The following SLC22A5 variants were observed in gnomAD, a reference collection of about 807,000 sequenced individuals.
The protein encoded by SLC22A5 is organic cation/carnitine transporter 2.
SLC22A5 carries 44 observed loss-of-function variants against 56.7 expected under a neutral mutation model. The observed-to-expected ratio is 0.78, with a 90% CI of 0.61 to 1.00. The LOEUF (loss-of-function observed/expected upper bound fraction) is 1.00, where lower values mean the gene tolerates loss of function less well. Ranked by LOEUF, SLC22A5 falls within the 50% of genes least tolerant of loss-of-function variation. The pLI is 0.00. For synonymous variants in SLC22A5, 278 were observed against 292.1 expected (o/e 0.95, Z 0.49); for missense variants, 675 against 723.0 (o/e 0.93, Z 0.76).
chr5:132,392,777 G>A (rs1174770671), intron 8 of SLC22A5, among the ~76,000 whole-genome samples, 162 bp downstream of exon 8: 4 of 152,242 alleles, frequency 2.6e-5, no homozygotes, highest in Non-Finnish European at 2.9e-5. Context: ...TTGTCCCAGT[G>A]CACTGGCCCT....
At chr5:132,390,523 A>G in intron 6 of SLC22A5, 167 bp from the exon 7 acceptor site, 1 of 701,134 alleles carries the variant, frequency 1.4e-6, no homozygotes, top group Admixed American at 2.0e-5. Flanking sequence ...GGGGAAAATT[A>G]TCTTTTGATC....
intron 1 of SLC22A5, chr5:132,376,893 T>C (rs1752158865): frequency 6.6e-6 from 1 of 152,302 alleles, no homozygotes; most frequent in Non-Finnish European, 1.5e-5. Flanking sequence ...CAGGGATACT[T>C]ACCCACCTAC....
chr5:132,374,403 G>GA (rs1561564111), intron 1 of SLC22A5, among the ~76,000 whole-genome samples: 1 of 151,838 alleles, frequency 6.6e-6, no homozygotes, highest in African/African-American at 2.4e-5. Context: ...TTAGAAGATG[G>GA]GAGAGCCCTC....
At chr5:132,380,263 T>C (rs1752302704) in intron 2 of SLC22A5, 1 of 152,240 alleles carries the variant, frequency 6.6e-6, no homozygotes, top group South Asian at 2.1e-4. Flanking sequence ...ACAAAGTCCG[T>C]GTGGTAGAGG....
intron 4 of SLC22A5, among the ~76,000 whole-genome samples, chr5:132,386,588 G>A (rs1033160330): frequency 1.3e-5 from 2 of 152,206 alleles, no homozygotes; most frequent in African/African-American, 4.8e-5. Flanking sequence ...CAGGGGTAGG[G>A]TGAGGAGAGA....
At position 132,393,678 on chromosome 5, in the gene SLC22A5, G is replaced by C; in HGVS notation, c.1453G>C (p.Ala485Pro). 1 of 1,614,162 alleles carries C rather than the reference G, an allele frequency of 6.2e-7. No homozygotes were observed. Among genetic ancestry groups the C allele is most frequent in the Non-Finnish European group, 8.5e-7 (1 of 1,180,014 alleles). The change falls in exon 9 of 10, where the codon GCC becomes CCC. Residue 485 changes from alanine to proline, a missense_variant and splice_region_variant. By Grantham distance (27) the Ala-to-Pro change is conservative. Transcript: ENST00000245407. ...AGGCTCCGTCTGCTTTGCCATAGGTGCCTACGACCGCTTCCTGCCCTACAT... is the reference window on the plus strand; with the variant it reads ...AGGCTCCGTCTGCTTTGCCATAGGTCCCTACGACCGCTTCCTGCCCTACAT... ...ILSPYFVYLG[A>P]YDRFLPYILM...
rs532078684 is a variant in SLC22A5, at chr5:132,378,873, G to A, written c.497+392G>A. On this transcript the variant is annotated intron_variant, in intron 2 of 9. Transcript: ENST00000245407. ...GATTGTAGATCTGTAGTAGTGCCACGGTGTCTGCCTCTGTAGTCCCAAGAA... is the reference window on the plus strand; with the variant it reads ...GATTGTAGATCTGTAGTAGTGCCACAGTGTCTGCCTCTGTAGTCCCAAGAA... The A allele has an allele frequency of 8.4e-5, 23 of 272,912 alleles. 1 individual carries two copies. In the South Asian group the frequency reaches 8.5e-4, roughly 10 times the overall value. 16.9% of individuals were successfully genotyped at this position (272,912 alleles called of 1,614,324 possible).
rs769265344 is a variant in SLC22A5 at position 132,378,214 on chromosome 5, T to C, written c.394-164T>C. The C allele has an allele frequency of 2.5e-6, 4 of 1,613,332 alleles. No individual in the cohort carries two copies. The South Asian group carries it at 3.3e-5, about 13-fold the overall frequency. ...TGAAAAACAGGATGGGAAAGAAGCC[T>C]GCTCTCTGCCTTCCTGCCCAGGTGA... On this transcript the variant is annotated intron_variant, in intron 1 of 9. Transcript: ENST00000245407.
intron 9 of SLC22A5, 43 bp from the exon 10 acceptor site, chr5:132,394,141 CT>C (rs1561577699): frequency 7.7e-7 from 1 of 1,304,838 alleles, no homozygotes; most frequent in Admixed American, 1.7e-5. Flanking sequence ...TGGGAGGCAT[CT>C]TTTTAAAATG....
intron 2 of SLC22A5, chr5:132,378,899 G>A (rs1040919853): frequency 4.4e-6 from 1 of 229,234 alleles, no homozygotes; most frequent in African/African-American, 2.2e-5. Context: ...GTCCCAAGAA[G>A]ACCAGCATTC....
intron 8 of SLC22A5, 49 bp from the exon 9 acceptor site, chr5:132,393,627 C>A: frequency 6.2e-7 from 1 of 1,611,734 alleles, no homozygotes; most frequent in South Asian, 1.1e-5. Flanking sequence ...GATGAGAGAC[C>A]AAGTCTAACT....
At chr5:132,373,034 A>G (rs1418760015) in intron 1 of SLC22A5, among the ~76,000 whole-genome samples, 1 of 152,240 alleles carries the variant, frequency 6.6e-6, no homozygotes, top group Non-Finnish European at 1.5e-5. Context: ...ATGTAGTACC[A>G]AACTTTGTGG....
chr5:132,371,789 G>T (rs1751943844), intron 1 of SLC22A5, among the ~76,000 whole-genome samples: 1 of 152,054 alleles, frequency 6.6e-6, no homozygotes, highest in Non-Finnish European at 1.5e-5. Context: ...AGAGAGGGGA[G>T]AGTTCATAGA....
At chr5:132,392,958 T>G (rs560734980) in intron 8 of SLC22A5, among the ~76,000 whole-genome samples, 22 of 152,278 alleles carry the variant, frequency 1.4e-4, no homozygotes, top group African/African-American at 5.3e-4. Flanking sequence ...AGAAATTTCT[T>G]GGAATCAGAG....
chr5:132,374,683 ACT>A (rs1340101574), intron 1 of SLC22A5, among the ~76,000 whole-genome samples: 1 of 151,610 alleles, frequency 6.6e-6, no homozygotes, highest in Non-Finnish European at 1.5e-5. Flanking sequence ...AGATTGAGCC[ACT>A]CTCTAGCTAG....
rs1752737905 is a variant in SLC22A5, at chr5:132,392,515, A to G, written c.1350A>G (p.Thr450=). Residue 450 remains threonine (T), a synonymous_variant, in exon 8 of 10, where the codon ACA becomes ACG. Coordinates refer to ENST00000245407, the MANE Select transcript of SLC22A5 (RefSeq NM_003060.4). ...CCTTTTCCATGGTCTACGTGTACACAGCCGAGCTGTATCCCACAGTGGTGA... is the reference window on the plus strand; with the variant it reads ...CCTTTTCCATGGTCTACGTGTACACGGCCGAGCTGTATCCCACAGTGGTGA... The part of the protein sequence containing the change: ...TAAFSMVYVY[T]AELYPTVVRN... The G allele has an allele frequency of 3.7e-6, 6 of 1,614,152 alleles. No homozygotes were observed. Among genetic ancestry groups the G allele is most frequent in the Non-Finnish European group, 5.1e-6 (6 of 1,180,010 alleles).
intron 1 of SLC22A5, among the ~76,000 whole-genome samples, chr5:132,372,981 T>C (rs974538095): frequency 6.6e-6 from 1 of 152,232 alleles, no homozygotes; most frequent in Non-Finnish European, 1.5e-5. Context: ...ACCTCAGGTG[T>C]CCTGTTTGGA....
At chr5:132,387,280 TTCCCCCCA>T in intron 5 of SLC22A5, 129 bp downstream of exon 5, 1 of 1,091,486 alleles carries the variant, frequency 9.2e-7, no homozygotes, top group Non-Finnish European at 1.4e-6. Context: ...CAACTGCCCA[TTCCCCCCA>T]TCCCCCCACT....
rs1193551446 is a variant in SLC22A5, at chr5:132,392,549, G to T, written c.1384G>T (p.Gly462Cys). The change falls in exon 8 of 10, where the codon GGT (glycine) becomes TGT (cysteine). Residue 462 changes from glycine to cysteine, a missense_variant. Physicochemically the swap from Gly to Cys is radical, Grantham distance 159. Transcript: ENST00000245407. ...ELYPTVVRNM[G>C]VGVSSTASRL... Reference sequence around the variant, plus strand: ...GTATCCCACAGTGGTGAGAAACATGGGTGTGGGAGTCAGCTCCACAGCATC... The same window carrying T: ...GTATCCCACAGTGGTGAGAAACATGTGTGTGGGAGTCAGCTCCACAGCATC... 2 of 1,614,166 alleles carry T rather than the reference G, an allele frequency of 1.2e-6. No individual in the cohort carries two copies. The highest frequency in any genetic ancestry group is 2.2e-5 in the South Asian group (2 of 91,088).
Sources: allele counts gnomAD v4.1 joint callset (sites outside exome capture counted in the v4.1 genomes callset), GRCh38; gene constraint gnomAD v4.1.1; transcripts MANE v1.5; gene names NCBI Gene and HGNC (gene_info 2026-07-23, HGNC 2026-07-21).